CNTNAP4: variants seen among roughly 807,000 people sequenced by gnomAD.
CNTNAP4 encodes contactin-associated protein-like 4.
Under a neutral mutation model 148.4 loss-of-function variants are expected in CNTNAP4, and 98 were observed. The ratio of observed to expected loss-of-function variants is 0.66; its 90% CI spans 0.56 to 0.78. The LOEUF (loss-of-function observed/expected upper bound fraction) is 0.78, where lower values mean the gene tolerates loss of function less well. CNTNAP4 is among the 30% of genes least tolerant of loss of function. The pLI, the probability that CNTNAP4 is intolerant of heterozygous loss-of-function variation, is 0.00. For synonymous variants in CNTNAP4, 730 were observed against 565.1 expected, an observed-to-expected ratio of 1.29 and a Z score of -4.14; for missense variants, 1,935 against 1,565.6, an observed-to-expected ratio of 1.24 and a Z score of -3.98.
chr16:76,523,482 G>A (rs914735269), intron 17 of CNTNAP4, among the ~76,000 whole-genome samples: 2 of 152,104 alleles, frequency 1.3e-5, no homozygotes, highest in Non-Finnish European at 1.5e-5. Flanking sequence ...TTTGATAGTG[G>A]AATCCTTCTG....
At chr16:76,514,541 T>G (rs1245143617) in intron 15 of CNTNAP4, among the ~76,000 whole-genome samples, 1 of 152,188 alleles carries the variant, frequency 6.6e-6, no homozygotes, top group Non-Finnish European at 1.5e-5. Context: ...ATTTTCACTT[T>G]CCATTTGCCA....
intron 1 of CNTNAP4, among the ~76,000 whole-genome samples, chr16:76,303,730 C>G (rs994092578): frequency 2.6e-5 from 4 of 152,128 alleles, no homozygotes; most frequent in African/African-American, 7.2e-5. Context: ...GAAAATGAAA[C>G]AAACAGCTCT....
chr16:76,354,197 G>A (rs895830074), intron 2 of CNTNAP4, among the ~76,000 whole-genome samples: 4 of 152,138 alleles, frequency 2.6e-5, no homozygotes, highest in Admixed American at 6.5e-5. Flanking sequence ...ACCCTATTTC[G>A]TAACTTTTAC....
In CNTNAP4 at chr16:76,449,698, C is replaced by T. The variant is rs2080382167; in HGVS notation, c.928-17C>T. 3.9e-6 allele frequency: 6 copies of T among 1,540,352 alleles called. No homozygotes were observed. The highest frequency in any genetic ancestry group is 5.2e-6 in the Non-Finnish European group (6 of 1,144,806). ...AAATCACTAAACAATATTATTGATG[C>T]CATTTTTCTTTCTAAGATCAGCTTT... On this transcript the variant is annotated splice_polypyrimidine_tract_variant and intron_variant, in intron 6 of 23. Transcript: ENST00000611870.
At chr16:76,529,723 C>T (rs763663950) in intron 17 of CNTNAP4, among the ~76,000 whole-genome samples, 7 of 152,154 alleles carry the variant, frequency 4.6e-5, no homozygotes, top group Non-Finnish European at 8.8e-5. Flanking sequence ...ATTTGAATTG[C>T]ATGGAATCTA....
chr16:76,362,962 A>G (rs1170717103), intron 3 of CNTNAP4, among the ~76,000 whole-genome samples: 1 of 152,018 alleles, frequency 6.6e-6, no homozygotes, highest in Non-Finnish European at 1.5e-5. Flanking sequence ...GGCAGCTTAT[A>G]CCTGTAATCC....
chr16:76,490,760 C>T (rs371690257), intron 13 of CNTNAP4, among the ~76,000 whole-genome samples: 3 of 152,136 alleles, frequency 2.0e-5, no homozygotes, highest in East Asian at 3.9e-4. Flanking sequence ...CCTGGAATTG[C>T]GTATTCTGTG....
At chr16:76,416,366 A>G (rs1425951173) in intron 3 of CNTNAP4, among the ~76,000 whole-genome samples, 1 of 151,022 alleles carries the variant, frequency 6.6e-6, no homozygotes, top group African/African-American at 2.4e-5. Context: ...ATTTATTTAG[A>G]TCTTTGTTTG....
At chr16:76,285,564 T>C (rs1158066976) in intron 1 of CNTNAP4, among the ~76,000 whole-genome samples, 1 of 152,044 alleles carries the variant, frequency 6.6e-6, no homozygotes, top group Non-Finnish European at 1.5e-5. Flanking sequence ...AAAAGACATA[T>C]TAGTTTCTGT....
At position 76,311,240 on chromosome 16, in the gene CNTNAP4, A is replaced by G. The variant is rs140718203; in HGVS notation, c.86-5173A>G. On this transcript the variant is annotated intron_variant, in intron 1 of 23. Transcript: ENST00000611870. ...TTTTCATTAATTGAGCTATATTAAA[A>G]TATTTTCAGTATACCTTGCATCAAT... 6.0e-3 allele frequency among the ~76,000 whole-genome samples: 913 copies of G among 152,294 alleles called. 8 individuals are homozygous for G. Among genetic ancestry groups the G allele is most frequent in the African/African-American group, 0.021 (883 of 41,576 alleles).
intron 17 of CNTNAP4, among the ~76,000 whole-genome samples, chr16:76,534,232 C>T (rs962207159): frequency 6.6e-6 from 1 of 152,134 alleles, no homozygotes; most frequent in Non-Finnish European, 1.5e-5. Flanking sequence ...ATAGTTATAA[C>T]ACAGAAATTA....
At chr16:76,349,483 G>A (rs1037974888) in intron 2 of CNTNAP4, among the ~76,000 whole-genome samples, 5 of 152,012 alleles carry the variant, frequency 3.3e-5, no homozygotes, top group African/African-American at 1.2e-4. Context: ...CTATTAAAAG[G>A]CTCTAAATGG....
At chr16:76,375,051 C>A (rs1276761525) in intron 3 of CNTNAP4, among the ~76,000 whole-genome samples, 2 of 152,002 alleles carry the variant, frequency 1.3e-5, no homozygotes, top group Non-Finnish European at 2.9e-5. Flanking sequence ...TTACAGGCGT[C>A]AGCCATCACG....
chr16:76,371,284 T>G (rs1430360415), intron 3 of CNTNAP4, among the ~76,000 whole-genome samples: 1 of 152,076 alleles, frequency 6.6e-6, no homozygotes, highest in Admixed American at 6.5e-5. Flanking sequence ...TTTCGTTTTT[T>G]GTTTTGTTTT....
At chr16:76,321,787 C>CAAAA (rs5817984) in intron 2 of CNTNAP4, among the ~76,000 whole-genome samples, 1 of 105,428 alleles carries the variant, frequency 9.5e-6, no homozygotes, top group Non-Finnish European at 2.0e-5. Flanking sequence ...GACTCAGTCT[C>CAAAA]AAAAAAAAAA....
chr16:76,350,401 A>T (rs1014388809), intron 2 of CNTNAP4, among the ~76,000 whole-genome samples: 1 of 151,946 alleles, frequency 6.6e-6, no homozygotes, highest in Non-Finnish European at 1.5e-5. Context: ...TAATTTTAAT[A>T]ATTAAGTTAA....
intron 12 of CNTNAP4, among the ~76,000 whole-genome samples, chr16:76,488,498 A>G (rs1431081456): frequency 6.6e-6 from 1 of 152,184 alleles, no homozygotes; most frequent in Non-Finnish European, 1.5e-5. Flanking sequence ...GATGACTGGG[A>G]AAGGAATGGG....
chr16:76,458,823 C>T (rs8052636), intron 8 of CNTNAP4, among the ~76,000 whole-genome samples: 73,750 of 151,936 alleles, frequency 0.49, 18,024 homozygotes, highest in African/African-American at 0.54. Flanking sequence ...TTATTTTCCT[C>T]TGGGTATAGA....
intron 12 of CNTNAP4, among the ~76,000 whole-genome samples, chr16:76,482,427 A>G (rs951565486): frequency 7.6e-5 from 10 of 131,804 alleles, no homozygotes; most frequent in African/African-American, 2.9e-4. Flanking sequence ...GCTCTGTTTT[A>G]CACAATTTTT....
Sources: allele counts gnomAD v4.1 joint callset (sites outside exome capture counted in the v4.1 genomes callset), GRCh38; gene constraint gnomAD v4.1.1; transcripts MANE v1.5; gene names NCBI Gene and HGNC (gene_info 2026-07-23, HGNC 2026-07-21).